UBE2V2: variants seen among roughly 807,000 people sequenced by gnomAD.
UBE2V2 encodes the protein ubiquitin-conjugating enzyme E2 variant 2.
In UBE2V2, 9 loss-of-function variants were observed where a neutral mutation model predicts 17.2. That is an observed-to-expected ratio of 0.52 (90% CI 0.32 to 0.91). The LOEUF (loss-of-function observed/expected upper bound fraction) is 0.91. UBE2V2 is among the 40% of genes least tolerant of loss of function. UBE2V2 has a pLI of 0.04. For missense variants in UBE2V2, 133 were observed against 182.6 expected (o/e 0.73, Z 1.56); for synonymous variants, 61 against 57.5 (o/e 1.06, Z -0.28).
At chr8:48,027,128 G>A (rs1322046725) in intron 1 of UBE2V2, among the ~76,000 whole-genome samples, 5 of 152,224 alleles carry the variant, frequency 3.3e-5, no homozygotes, top group South Asian at 2.1e-4. Flanking sequence ...TGGATGCCAC[G>A]TAGCTTGGAT....
chr8:48,056,675 A>C (rs1371727617), intron 3 of UBE2V2, among the ~76,000 whole-genome samples: 1 of 151,724 alleles, frequency 6.6e-6, no homozygotes, highest in African/African-American at 2.4e-5. Flanking sequence ...TACAGGTGTG[A>C]GCCACTGCAC....
chr8:48,035,090 C>T (rs1589858134), intron 1 of UBE2V2: 1 of 941,800 alleles, frequency 1.1e-6, no homozygotes. Context: ...CTTAGCATTG[C>T]TGCTTCCCTA....
chr8:48,055,766 CTTTT>C (rs11299073), intron 3 of UBE2V2, among the ~76,000 whole-genome samples: 13 of 121,560 alleles, frequency 1.1e-4, no homozygotes, highest in Admixed American at 8.4e-5. Flanking sequence ...CACTTTCTGT[CTTTT>C]TTTTTTTTTT....
intron 1 of UBE2V2, chr8:48,035,145 T>G: frequency 1.0e-6 from 1 of 965,672 alleles, no homozygotes; most frequent in Non-Finnish European, 1.2e-6. Context: ...AGGTGGAGTC[T>G]CACTCTGTCG....
intron 2 of UBE2V2, among the ~76,000 whole-genome samples, chr8:48,044,948 C>T (rs190291857): frequency 1.3e-5 from 2 of 152,320 alleles, no homozygotes; most frequent in Admixed American, 6.5e-5. Flanking sequence ...TCCTAGCTGT[C>T]GTGGACCGGT....
intron 1 of UBE2V2, among the ~76,000 whole-genome samples, chr8:48,016,782 T>C (rs2091271891): frequency 8.0e-6 from 1 of 124,320 alleles, no homozygotes; most frequent in East Asian, 2.2e-4. Flanking sequence ...GTGCCCAGCC[T>C]TTTTTTTTTT....
intron 3 of UBE2V2, among the ~76,000 whole-genome samples, chr8:48,055,324 C>G (rs1459620168): frequency 6.6e-6 from 1 of 151,672 alleles, no homozygotes; most frequent in African/African-American, 2.4e-5. Flanking sequence ...CTCAGCCTCC[C>G]TAGTAGCTGG....
intron 1 of UBE2V2, among the ~76,000 whole-genome samples, chr8:48,022,835 A>G (rs1448189743): frequency 1.3e-5 from 2 of 151,280 alleles, no homozygotes; most frequent in African/African-American, 2.4e-5. Flanking sequence ...AAGAGAGACA[A>G]GGTCTGTTGC....
rs146563128 is a variant in UBE2V2, at chr8:48,036,590, C to T, written c.17-6443C>T. On this transcript the variant is annotated intron_variant, in intron 1 of 3. Transcript: ENST00000523111. Reference sequence around the variant, plus strand: ...CTGGGATTACAGGCACGCACCACCACGCCGGGCTAATTTTTTGTATCTTTA... The same window carrying T: ...CTGGGATTACAGGCACGCACCACCATGCCGGGCTAATTTTTTGTATCTTTA... Among the ~76,000 whole-genome samples the T allele has an allele frequency of 8.4e-4, 128 of 151,718 alleles. 1 individual carries two copies. The East Asian group carries it at 0.023, about 27-fold the overall frequency.
chr8:48,046,703 C>A (rs1378500408), intron 2 of UBE2V2, among the ~76,000 whole-genome samples: 1 of 152,124 alleles, frequency 6.6e-6, no homozygotes, highest in African/African-American at 2.4e-5. Context: ...CTCAAACAAT[C>A]CTCCCACCTT....
At chr8:48,054,476 G>A (rs563036820) in intron 3 of UBE2V2, among the ~76,000 whole-genome samples, 1 of 152,198 alleles carries the variant, frequency 6.6e-6, no homozygotes, top group Non-Finnish European at 1.5e-5. Flanking sequence ...ATCATTATTG[G>A]AGTGTAGATG....
intron 1 of UBE2V2, among the ~76,000 whole-genome samples, chr8:48,036,096 A>G (rs2091423195): frequency 6.6e-6 from 1 of 151,542 alleles, no homozygotes; most frequent in Non-Finnish European, 1.5e-5. Context: ...CTCAGACTAC[A>G]GCTGTGCACC....
chr8:48,017,554 G>C (rs2091277973), intron 1 of UBE2V2, among the ~76,000 whole-genome samples: 1 of 151,882 alleles, frequency 6.6e-6, no homozygotes, highest in South Asian at 2.1e-4. Context: ...TGTATTTTTA[G>C]TAGAGACGGG....
At chr8:48,017,008 C>T (rs562699864) in intron 1 of UBE2V2, among the ~76,000 whole-genome samples, 1 of 151,968 alleles carries the variant, frequency 6.6e-6, no homozygotes, top group African/African-American at 2.4e-5. Context: ...CTAGGCTGGT[C>T]TCAAACGCCC....
intron 1 of UBE2V2, among the ~76,000 whole-genome samples, chr8:48,032,300 T>C (rs976763491): frequency 5.9e-5 from 9 of 152,240 alleles, no homozygotes; most frequent in Non-Finnish European, 1.2e-4. Flanking sequence ...TTTTAGAGGC[T>C]AAAGTTGAAA....
chr8:48,032,727 A>G (rs1053848616), intron 1 of UBE2V2, among the ~76,000 whole-genome samples: 2 of 152,176 alleles, frequency 1.3e-5, no homozygotes, highest in Non-Finnish European at 2.9e-5. Flanking sequence ...TCCCTGTCTC[A>G]AAACAAACAC....
intron 1 of UBE2V2, among the ~76,000 whole-genome samples, chr8:48,026,698 CTT>C (rs2091348773): frequency 6.6e-6 from 1 of 152,140 alleles, no homozygotes; most frequent in Admixed American, 6.6e-5. Context: ...GCTTCTTTCA[CTT>C]AGCGTAATGT....
chr8:48,004,791 A>G (rs903388950), upstream of UBE2V2, among the ~76,000 whole-genome samples: 17 of 150,522 alleles, frequency 1.1e-4, no homozygotes, highest in African/African-American at 3.2e-4. Flanking sequence ...GGCCTCCTGA[A>G]GTGTTGGGAT....
At chr8:48,026,430 T>G (rs1330630170) in intron 1 of UBE2V2, among the ~76,000 whole-genome samples, 3 of 152,238 alleles carry the variant, frequency 2.0e-5, no homozygotes, top group Admixed American at 2.0e-4. Context: ...ACAACTTTAC[T>G]GAGATATAAT....
Sources: allele counts gnomAD v4.1 joint callset (sites outside exome capture counted in the v4.1 genomes callset), GRCh38; gene constraint gnomAD v4.1.1; transcripts MANE v1.5; gene names NCBI Gene and HGNC (gene_info 2026-07-23, HGNC 2026-07-21).